The following CSMD1 variants were observed in gnomAD, a reference collection of about 807,000 sequenced individuals.
CSMD1 encodes the protein CUB and Sushi multiple domains 1, also known as CUB and sushi domain-containing protein 1.
In CSMD1, 213 loss-of-function variants were observed where a neutral mutation model predicts 417.5. The observed-to-expected ratio is 0.51, with a 90% confidence interval of 0.46 to 0.57. The LOEUF (loss-of-function observed/expected upper bound fraction) is 0.57. Among genes scored for constraint, CSMD1 ranks in the 20% least tolerant of loss-of-function variants. The pLI, the probability that CSMD1 is intolerant of heterozygous loss-of-function variation, is 0.00. For synonymous variants in CSMD1, 2,862 were observed against 1,736.8 expected, an observed-to-expected ratio of 1.65 and a Z score of -16.11; for missense variants, 6,923 against 4,529.7, an observed-to-expected ratio of 1.53 and a Z score of -15.17.
intron 41 of CSMD1, 104 bp from the exon 42 acceptor site, chr8:3,118,691 T>C (rs1427415113): frequency 2.0e-6 from 2 of 998,056 alleles, no homozygotes; most frequent in African/African-American, 3.2e-5. Context: ...ATGAAGTTGT[T>C]GGATAAGTTT....
chr8:3,052,447 C>T lies in CSMD1; in HGVS notation c.7660+15G>A, dbSNP rs1389458098. On this transcript the variant is annotated intron_variant, in intron 50 of 69. Coordinates refer to ENST00000635120, the MANE Select transcript of CSMD1 (RefSeq NM_033225.6). The stretch of plus-strand genomic sequence containing the variant: ...CTAAACCCACAAAGATGGGCAGATG[C>T]CCCTGAACACTTACGCTTACACGTG... 1.9e-6 allele frequency: 3 copies of T among 1,554,330 alleles called. No individual in the cohort carries two copies. The highest frequency in any genetic ancestry group is 1.4e-5 in the African/African-American group (1 of 73,376).
chr8:3,672,708 G>A (rs143154102), intron 7 of CSMD1, among the ~76,000 whole-genome samples: 19 of 152,254 alleles, frequency 1.2e-4, no homozygotes, highest in African/African-American at 4.1e-4. Flanking sequence ...TGGGCATGGT[G>A]GTGGTTTGAA....
At chr8:4,104,081 G>A (rs995603280) in intron 3 of CSMD1, among the ~76,000 whole-genome samples, 2 of 152,198 alleles carry the variant, frequency 1.3e-5, no homozygotes, top group African/African-American at 2.4e-5. Flanking sequence ...TCTCCCTCAA[G>A]ACACACAAAT....
Position 3,030,638 on chromosome 8 carries a change from C to T in CSMD1, c.7661-1125G>A, listed in dbSNP as rs191402261. On this transcript the variant is annotated intron_variant, in intron 50 of 69. Coordinates refer to ENST00000635120, the MANE Select transcript of CSMD1 (RefSeq NM_033225.6). ...ACTATGGGGATACAGATGTCCACCA[C>T]CATGCCCAGCTAATTTTTGTATTTT... 3.9e-5 allele frequency among the ~76,000 whole-genome samples: 6 copies of T among 152,000 alleles called. No homozygotes were observed. The East Asian group carries it at 1.2e-3, about 29-fold the overall frequency.
intron 1 of CSMD1, among the ~76,000 whole-genome samples, chr8:4,900,842 G>T (rs926510858): frequency 1.3e-5 from 2 of 152,144 alleles, no homozygotes; most frequent in African/African-American, 4.8e-5. Context: ...TCTAATTTCT[G>T]TCCTTATGTA....
At chr8:4,579,571 C>A (rs1319654232) in intron 2 of CSMD1, among the ~76,000 whole-genome samples, 1 of 152,006 alleles carries the variant, frequency 6.6e-6, no homozygotes, top group Admixed American at 6.6e-5. Flanking sequence ...AGCATGTTAG[C>A]CAGGCTGGTC....
chr8:3,318,849 C>A (rs1805958940), intron 23 of CSMD1, among the ~76,000 whole-genome samples: 1 of 152,086 alleles, frequency 6.6e-6, no homozygotes, highest in African/African-American at 2.4e-5. Context: ...CAAAGGAGCC[C>A]CCTGTGCTTT....
At chr8:4,820,148 T>C (rs967440982) in intron 1 of CSMD1, among the ~76,000 whole-genome samples, 4 of 152,122 alleles carry the variant, frequency 2.6e-5, no homozygotes, top group Admixed American at 6.6e-5. Flanking sequence ...ACCACCTCTC[T>C]GTGAAGGGAG....
chr8:4,816,148 G>A (rs1323815641), intron 1 of CSMD1, among the ~76,000 whole-genome samples: 2 of 152,052 alleles, frequency 1.3e-5, no homozygotes, highest in African/African-American at 2.4e-5. Flanking sequence ...CTGAGGCTTT[G>A]CATGCTTTGG....
intron 3 of CSMD1, among the ~76,000 whole-genome samples, chr8:4,166,195 A>T (rs1797446358): frequency 6.6e-6 from 1 of 152,210 alleles, no homozygotes. Flanking sequence ...AATGCAAAAT[A>T]GTCAGTTTTA....
intron 6 of CSMD1, among the ~76,000 whole-genome samples, chr8:3,749,691 A>G (rs1797232512): frequency 6.6e-6 from 1 of 152,220 alleles, no homozygotes. Flanking sequence ...AGAGACCACC[A>G]GTGGGCTGAT....
intron 5 of CSMD1, among the ~76,000 whole-genome samples, chr8:3,876,672 C>A (rs1011891618): frequency 6.6e-6 from 1 of 152,140 alleles, no homozygotes; most frequent in African/African-American, 2.4e-5. Context: ...TGCAGTGGTG[C>A]TATCAGTGCG....
chr8:4,314,034 A>G (rs933543222), intron 3 of CSMD1, among the ~76,000 whole-genome samples: 4 of 150,740 alleles, frequency 2.7e-5, no homozygotes, highest in South Asian at 2.1e-4. Flanking sequence ...TAATAATAAT[A>G]ATGATAATAA....
intron 27 of CSMD1, among the ~76,000 whole-genome samples, chr8:3,227,032 C>T (rs188746102): frequency 1.3e-4 from 20 of 152,198 alleles, no homozygotes; most frequent in Admixed American, 9.2e-4. Flanking sequence ...GTGGTGTTTT[C>T]TGTGAGTCAG....
chr8:4,535,050 C>T (rs1285819887), intron 2 of CSMD1, among the ~76,000 whole-genome samples: 2 of 152,188 alleles, frequency 1.3e-5, no homozygotes, highest in Non-Finnish European at 2.9e-5. Context: ...CGTGAGCCAC[C>T]ACGCCTGGCC....
chr8:3,227,320 G>A (rs940917688), intron 27 of CSMD1, among the ~76,000 whole-genome samples: 6 of 3,272 alleles, frequency 1.8e-3, no homozygotes, highest in African/African-American at 2.3e-3. Flanking sequence ...AGAATCACTG[G>A]AACACGGAAG....
At chr8:3,241,140 T>C (rs964485989) in intron 26 of CSMD1, among the ~76,000 whole-genome samples, 4 of 151,566 alleles carry the variant, frequency 2.6e-5, no homozygotes, top group Non-Finnish European at 4.4e-5. Context: ...GTAGCTGTAG[T>C]CCAGGAATAG....
rs181411183 is a variant in CSMD1, at chr8:4,832,813, G to A, written c.85+161519C>T. 3.8e-3 allele frequency among the ~76,000 whole-genome samples: 571 copies of A among 152,218 alleles called. 3 individuals carry two copies. The highest frequency in any genetic ancestry group is 6.8e-3 in the Non-Finnish European group (461 of 68,020). Reference sequence around the variant, plus strand: ...GAGAGCCGAGACATTCATCCTCAGGGTCAGTCATCTCATACCCTGTGATAA... The same window carrying A: ...GAGAGCCGAGACATTCATCCTCAGGATCAGTCATCTCATACCCTGTGATAA... On this transcript the variant is annotated intron_variant, in intron 1 of 69. Transcript: ENST00000635120.
chr8:4,606,195 C>G (rs759410403), intron 2 of CSMD1, among the ~76,000 whole-genome samples: 1 of 152,204 alleles, frequency 6.6e-6, no homozygotes, highest in Non-Finnish European at 1.5e-5. Context: ...CTGCACTCCA[C>G]TCAGCACGCC....
Sources: gnomAD v4.1 joint callset for allele counts (sites outside exome capture counted in the v4.1 genomes callset) on GRCh38, gnomAD v4.1.1 for gene constraint, MANE v1.5 for transcripts, NCBI Gene and HGNC (gene_info 2026-07-23, HGNC 2026-07-21) for gene names.